The following CNTNAP5 variants were observed in gnomAD, a reference collection of about 807,000 sequenced individuals.
CNTNAP5 encodes contactin associated protein family member 5.
CNTNAP5 carries 72 observed loss-of-function variants against 150.2 expected under a neutral mutation model. The observed-to-expected ratio is 0.48, with a 90% confidence interval of 0.40 to 0.58. The LOEUF is 0.58. Ranked by LOEUF, CNTNAP5 falls within the 20% of genes least tolerant of loss-of-function variation. The probability of loss-of-function intolerance (pLI) is 0.00; values close to 1 mark genes in which losing one functional copy is unlikely to be tolerated. For synonymous variants in CNTNAP5, 672 were observed against 619.8 expected (o/e 1.08, Z -1.25); for missense variants, 1,636 against 1,626.2 (o/e 1.01, Z -0.10).
chr2:124,272,640 C>T lies in CNTNAP5; in HGVS notation c.381+30247C>T, dbSNP rs1254057581. The stretch of plus-strand genomic sequence containing the variant: ...TAAATAAATTTGAATACAGCTTCCT[C>T]ACCATTCATTAGCTATATGCTGATC... On this transcript the variant is annotated intron_variant, in intron 3 of 23. Coordinates refer to ENST00000682447, the MANE Select transcript of CNTNAP5 (RefSeq NM_001367498.1). 2.0e-5 allele frequency among the ~76,000 whole-genome samples: 3 copies of T among 152,308 alleles called. No individual in the cohort carries two copies. In the East Asian group the frequency reaches 5.8e-4, roughly 29 times the overall value.
intron 1 of CNTNAP5, among the ~76,000 whole-genome samples, chr2:124,102,678 G>A (rs566424196): frequency 7.2e-5 from 11 of 152,200 alleles, no homozygotes; most frequent in African/African-American, 2.6e-4. Context: ...TCCTCCTCCC[G>A]GGAAAGCTGG....
In CNTNAP5 at chr2:124,920,812, T is replaced by C. The variant is rs891095961; in HGVS notation, c.*6524T>C. ...TTCAGATGGGAAGTAAGTCTTCCTA[T>C]GGCATGTTCAGGCCCTCCTTTTCAG... On this transcript the variant is annotated 3_prime_UTR_variant, in exon 24 of 24. Transcript: ENST00000682447. 6.6e-6 allele frequency among the ~76,000 whole-genome samples: 1 copy of C among 152,160 alleles called. No homozygotes were observed. Among genetic ancestry groups the C allele is most frequent in the Non-Finnish European group, 1.5e-5 (1 of 68,008 alleles).
At chr2:124,891,230 G>T (rs776123407) in intron 21 of CNTNAP5, among the ~76,000 whole-genome samples, 4 of 152,052 alleles carry the variant, frequency 2.6e-5, no homozygotes, top group Non-Finnish European at 5.9e-5. Flanking sequence ...CACATGCTGG[G>T]TGCCTTGATG....
At chr2:124,654,363 G>A (rs1234543763) in intron 13 of CNTNAP5, among the ~76,000 whole-genome samples, 1 of 152,122 alleles carries the variant, frequency 6.6e-6, no homozygotes, top group Non-Finnish European at 1.5e-5. Flanking sequence ...ATTTTCATAT[G>A]AATAATTTGC....
chr2:124,435,555 C>G (rs936596615), intron 5 of CNTNAP5, among the ~76,000 whole-genome samples: 3 of 151,914 alleles, frequency 2.0e-5, no homozygotes, highest in Non-Finnish European at 4.4e-5. Flanking sequence ...AGAATGACTC[C>G]CTGCCTCCCA....
chr2:124,178,839 AATAG>A (rs1460517364), intron 1 of CNTNAP5, among the ~76,000 whole-genome samples: 5 of 152,098 alleles, frequency 3.3e-5, no homozygotes, highest in Admixed American at 6.5e-5. Flanking sequence ...ATAGCCTGTA[AATAG>A]ATAGCAACAG....
At chr2:124,459,190 C>T (rs1693190757) in intron 6 of CNTNAP5, among the ~76,000 whole-genome samples, 1 of 152,178 alleles carries the variant, frequency 6.6e-6, no homozygotes, top group South Asian at 2.1e-4. Flanking sequence ...CAGCTTTGCT[C>T]ACGGTGCTCC....
At chr2:124,254,403 G>A (rs986291232) in intron 3 of CNTNAP5, among the ~76,000 whole-genome samples, 5 of 152,168 alleles carry the variant, frequency 3.3e-5, no homozygotes, top group East Asian at 3.9e-4. Flanking sequence ...GGTAAGGGGG[G>A]CAGTCTCCCT....
At chr2:124,539,126 T>C (rs1177203322) in intron 10 of CNTNAP5, among the ~76,000 whole-genome samples, 4 of 152,196 alleles carry the variant, frequency 2.6e-5, no homozygotes, top group African/African-American at 9.6e-5. Context: ...AGGAGTATAA[T>C]ATGTTTTCAG....
intron 1 of CNTNAP5, among the ~76,000 whole-genome samples, chr2:124,036,308 G>A (rs1681218423): frequency 6.6e-6 from 1 of 152,054 alleles, no homozygotes; most frequent in South Asian, 2.1e-4. Context: ...ATTCACAAGG[G>A]AAAAGGAAAC....
intron 14 of CNTNAP5, among the ~76,000 whole-genome samples, chr2:124,759,193 T>G (rs1680904074): frequency 6.6e-6 from 1 of 151,724 alleles, no homozygotes. Context: ...CAGAGAGAGA[T>G]ATATATTTTG....
At chr2:124,541,245 C>T (rs1695378547) in intron 10 of CNTNAP5, among the ~76,000 whole-genome samples, 1 of 128,664 alleles carries the variant, frequency 7.8e-6, no homozygotes, top group Admixed American at 9.0e-5. Flanking sequence ...ACAAATTCCC[C>T]ACATTTTCCC....
chr2:124,292,968 A>G (rs1688337545), intron 3 of CNTNAP5, among the ~76,000 whole-genome samples: 2 of 152,092 alleles, frequency 1.3e-5, no homozygotes, highest in Non-Finnish European at 2.9e-5. Flanking sequence ...GAAAAATGCA[A>G]TAATGAGGTA....
intron 10 of CNTNAP5, among the ~76,000 whole-genome samples, chr2:124,541,178 G>GCTTTTTTTTTTTTTTTTTTTTT (rs1477319002): frequency 3.6e-5 from 1 of 27,578 alleles, no homozygotes; most frequent in African/African-American, 1.9e-4. Flanking sequence ...ACAAAATTCC[G>GCTTTTTTTTTTTTTTTTTTTTT]ATTTTTTTTT....
intron 19 of CNTNAP5, among the ~76,000 whole-genome samples, chr2:124,830,531 G>A (rs193011472): frequency 1.6e-4 from 24 of 152,022 alleles, no homozygotes; most frequent in Middle Eastern, 3.4e-3. Flanking sequence ...GGAAGAGTGC[G>A]TCCAGGGTCA....
intron 21 of CNTNAP5, among the ~76,000 whole-genome samples, chr2:124,895,685 C>G (rs1678289722): frequency 6.6e-6 from 1 of 151,516 alleles, no homozygotes; most frequent in Non-Finnish European, 1.5e-5. Context: ...CTTCAAGAAA[C>G]TGATGATCTA....
chr2:124,477,074 T>G (rs1003263333), intron 7 of CNTNAP5, among the ~76,000 whole-genome samples: 19 of 152,100 alleles, frequency 1.2e-4, no homozygotes, highest in African/African-American at 4.6e-4. Context: ...GTTTTATACA[T>G]AATTCCTATA....
chr2:124,843,747 C>CT (rs1255345734), intron 19 of CNTNAP5, among the ~76,000 whole-genome samples: 5 of 152,010 alleles, frequency 3.3e-5, no homozygotes, highest in Admixed American at 6.6e-5. Flanking sequence ...TTACATTTCC[C>CT]TGATAATTAG....
intron 3 of CNTNAP5, among the ~76,000 whole-genome samples, chr2:124,334,230 A>G (rs868666220): frequency 1.5e-4 from 23 of 152,228 alleles, no homozygotes; most frequent in African/African-American, 4.1e-4. Context: ...GATGTTTTCT[A>G]TTGGTAATTT....
Sources: allele counts gnomAD v4.1 joint callset (sites outside exome capture counted in the v4.1 genomes callset), GRCh38; gene constraint gnomAD v4.1.1; transcripts MANE v1.5; gene names NCBI Gene and HGNC (gene_info 2026-07-23, HGNC 2026-07-21).